The following DPP10 variants were observed in gnomAD, a reference collection of about 807,000 sequenced individuals.
DPP10 encodes dipeptidyl peptidase like 10.
In DPP10, 33 loss-of-function variants were observed where a neutral mutation model predicts 120.9. That is an observed-to-expected ratio of 0.27 (90% CI 0.21 to 0.37). The LOEUF (loss-of-function observed/expected upper bound fraction) is 0.37. Among genes scored for constraint, DPP10 ranks in the 10% least tolerant of loss-of-function variants. The probability of loss-of-function intolerance (pLI) is 1.00; values close to 1 mark genes in which losing one functional copy is unlikely to be tolerated. For missense variants in DPP10, 816 were observed against 942.8 expected, an observed-to-expected ratio of 0.87 and a Z score of 1.76; for synonymous variants, 337 against 326.1, an observed-to-expected ratio of 1.03 and a Z score of -0.36.
intron 21 of DPP10, among the ~76,000 whole-genome samples, chr2:115,831,335 G>C (rs1688907504): frequency 6.6e-6 from 1 of 152,004 alleles, no homozygotes; most frequent in African/African-American, 2.4e-5. Context: ...TGCAACCTCT[G>C]CCTCCTGGGT....
At chr2:114,547,150 G>A (rs1558868490) in intron 1 of DPP10, among the ~76,000 whole-genome samples, 1 of 152,258 alleles carries the variant, frequency 6.6e-6, no homozygotes, top group Non-Finnish European at 1.5e-5. Flanking sequence ...TGCAGTTGCT[G>A]CTTTGAGATT....
intron 19 of DPP10, among the ~76,000 whole-genome samples, chr2:115,795,270 G>C (rs987726305): frequency 6.6e-6 from 1 of 152,010 alleles, no homozygotes; most frequent in Admixed American, 6.6e-5. Flanking sequence ...CAGTACCAAG[G>C]GCCCGTCATC....
rs575867604 is a variant in DPP10, at chr2:114,870,740, G to C, written c.60+427902G>C. ...GGTAAGATAAGATTTACAAATAATG[G>C]AATATCTTTATTAACCCATGGAACT... On this transcript the variant is annotated intron_variant, in intron 1 of 25. Coordinates refer to ENST00000410059, the MANE Select transcript of DPP10 (RefSeq NM_020868.6). 6.6e-5 allele frequency among the ~76,000 whole-genome samples: 9 copies of C among 135,560 alleles called. 2 individuals carry two copies. The highest frequency in any genetic ancestry group is 2.3e-4 in the African/African-American group (9 of 39,024). The allele number at this position is 135,560 out of a possible 152,430, so 88.9% of individuals were successfully genotyped here. A position where few individuals can be genotyped will look rare whatever the true frequency, so the allele number is the denominator to read the frequency against.
chr2:115,046,222 T>C (rs1705060545), intron 1 of DPP10, among the ~76,000 whole-genome samples: 2 of 152,196 alleles, frequency 1.3e-5, no homozygotes, highest in Admixed American at 1.3e-4. Flanking sequence ...ACAAATTATA[T>C]TGTTTTAGAG....
chr2:115,305,713 G>T (rs2061333787), intron 1 of DPP10, among the ~76,000 whole-genome samples: 1 of 151,770 alleles, frequency 6.6e-6, no homozygotes, highest in Non-Finnish European at 1.5e-5. Flanking sequence ...ACTCCAGCCT[G>T]GGTGACAGAG....
intron 1 of DPP10, among the ~76,000 whole-genome samples, chr2:114,880,271 A>C (rs893211467): frequency 2.0e-5 from 3 of 152,198 alleles, no homozygotes; most frequent in Non-Finnish European, 4.4e-5. Context: ...AATTTGGCCC[A>C]AGACAAAGAA....
At chr2:114,813,445 A>C (rs376603457) in intron 1 of DPP10, among the ~76,000 whole-genome samples, 5 of 152,326 alleles carry the variant, frequency 3.3e-5, no homozygotes, top group Admixed American at 6.5e-5. Context: ...TCCTGCACGC[A>C]GTAAATAGTG....
chr2:115,057,905 G>A (rs200075399), intron 1 of DPP10, among the ~76,000 whole-genome samples: 1 of 152,208 alleles, frequency 6.6e-6, no homozygotes, highest in Admixed American at 6.5e-5. Context: ...GTTTGTGTGA[G>A]AAGTTTGACT....
At chr2:115,365,569 T>C (rs2065031203) in intron 3 of DPP10, among the ~76,000 whole-genome samples, 1 of 152,022 alleles carries the variant, frequency 6.6e-6, no homozygotes, top group Non-Finnish European at 1.5e-5. Context: ...TATATGAAAG[T>C]ATTTTTTTTT....
rs116130867 is a variant in DPP10 at position 115,462,021 on chromosome 2, T to C, written c.272-37489T>C. On this transcript the variant is annotated intron_variant, in intron 3 of 25. Coordinates refer to ENST00000410059, the MANE Select transcript of DPP10 (RefSeq NM_020868.6). ...AATGGTATTTTAGGCCTTTAACACA[T>C]TGTTTAATTTACTATTTTCTTCTAA... 7.5e-3 allele frequency among the ~76,000 whole-genome samples: 1,148 copies of C among 152,268 alleles called. 18 individuals are homozygous for C. Among genetic ancestry groups the C allele is most frequent in the African/African-American group, 0.027 (1,105 of 41,546 alleles).
intron 1 of DPP10, among the ~76,000 whole-genome samples, chr2:114,483,653 A>G (rs992179933): frequency 6.6e-6 from 1 of 152,152 alleles, no homozygotes; most frequent in Non-Finnish European, 1.5e-5. Flanking sequence ...TTAAAAAAGG[A>G]GTGCTCACGC....
intron 1 of DPP10, among the ~76,000 whole-genome samples, chr2:114,556,264 T>TATATATATATAA (rs1395386493): frequency 7.8e-6 from 1 of 128,970 alleles, no homozygotes; most frequent in East Asian, 2.3e-4. Context: ...TATATATATA[T>TATATATATATAA]ATATAGGCAA....
intron 1 of DPP10, among the ~76,000 whole-genome samples, chr2:114,943,945 C>A (rs929059748): frequency 8.5e-5 from 13 of 152,086 alleles, no homozygotes; most frequent in Non-Finnish European, 1.9e-4. Context: ...ATCCGACTTT[C>A]AACATAAGAT....
intron 5 of DPP10, among the ~76,000 whole-genome samples, chr2:115,538,476 A>C (rs1358119725): frequency 1.3e-5 from 2 of 152,036 alleles, no homozygotes; most frequent in African/African-American, 2.4e-5. Flanking sequence ...TGAATGAGCA[A>C]GGTAGAATAG....
chr2:115,835,053 G>C (rs1401570575), intron 21 of DPP10, among the ~76,000 whole-genome samples: 1 of 151,666 alleles, frequency 6.6e-6, no homozygotes, highest in Non-Finnish European at 1.5e-5. Context: ...GGAGTTTGCA[G>C]TGAACCCAGG....
rs144841951 is a variant in DPP10, at chr2:114,530,686, A to G, written c.60+87848A>G. The stretch of plus-strand genomic sequence containing the variant: ...CTGCTGACCTGAGCTCATTACTTTT[A>G]TATAATGATTGCAGCAGAAGCATCT... On this transcript the variant is annotated intron_variant, in intron 1 of 25. Coordinates refer to ENST00000410059, the MANE Select transcript of DPP10 (RefSeq NM_020868.6). 4.3e-3 allele frequency among the ~76,000 whole-genome samples: 654 copies of G among 152,282 alleles called. 5 individuals carry two copies. The highest frequency in any genetic ancestry group is 0.015 in the African/African-American group (629 of 41,568).
chr2:115,185,347 G>A (rs1262065372), intron 1 of DPP10, among the ~76,000 whole-genome samples: 1 of 151,782 alleles, frequency 6.6e-6, no homozygotes, highest in Non-Finnish European at 1.5e-5. Flanking sequence ...ATATTCTTGA[G>A]GGAGAACTTA....
At chr2:115,499,886 A>C (rs191798266) in intron 4 of DPP10, among the ~76,000 whole-genome samples, 1 of 152,058 alleles carries the variant, frequency 6.6e-6, no homozygotes, top group South Asian at 2.1e-4. Flanking sequence ...TATATATAAC[A>C]TTAGTCATAC....
At chr2:114,499,502 C>T (rs1262386220) in intron 1 of DPP10, among the ~76,000 whole-genome samples, 4 of 152,142 alleles carry the variant, frequency 2.6e-5, no homozygotes, top group Middle Eastern at 3.2e-3. Context: ...CACTCCTTTT[C>T]CTTCACTTCT....
Sources: allele counts gnomAD v4.1 joint callset (sites outside exome capture counted in the v4.1 genomes callset), GRCh38; gene constraint gnomAD v4.1.1; transcripts MANE v1.5; gene names NCBI Gene and HGNC (gene_info 2026-07-23, HGNC 2026-07-21).